Variants in SGCD observed in about 807,000 individuals in gnomAD.
SGCD encodes the protein sarcoglycan delta, also known as delta-sarcoglycan.
Under a neutral mutation model 36.6 loss-of-function variants are expected in SGCD, and 18 were observed. The observed-to-expected ratio is 0.49, with a 90% CI of 0.34 to 0.73. The LOEUF is 0.73. SGCD is among the 30% of genes least tolerant of loss of function. The pLI, the probability that SGCD is intolerant of heterozygous loss-of-function variation, is 0.01. For synonymous variants in SGCD, 133 were observed against 130.6 expected (o/e 1.02, Z -0.12); for missense variants, 387 against 346.7 (o/e 1.12, Z -0.92).
intron 1 of SGCD, among the ~76,000 whole-genome samples, chr5:156,083,139 G>T (rs999411286): frequency 1.3e-5 from 2 of 151,750 alleles, no homozygotes; most frequent in Non-Finnish European, 2.9e-5. Context: ...TTGTTGAGTT[G>T]TGAGACTTCT....
At chr5:156,024,309 C>G (rs256634) in intron 1 of SGCD, among the ~76,000 whole-genome samples, 95,629 of 150,184 alleles carry the variant, frequency 0.64, 30,695 homozygotes, top group East Asian at 0.77. Flanking sequence ...TGTGGCTTAT[C>G]TTGTATGACG....
chr5:155,798,401 A>G, the SGCD span, among the ~76,000 whole-genome samples: 1 of 152,200 alleles, frequency 6.6e-6, no homozygotes, highest in African/African-American at 2.4e-5. Context: ...GATTAACTTC[A>G]TGCTTTTTTA....
At chr5:156,477,502 G>A (rs1013064622) in intron 3 of SGCD, among the ~76,000 whole-genome samples, 3 of 152,086 alleles carry the variant, frequency 2.0e-5, no homozygotes, top group Non-Finnish European at 4.4e-5. Context: ...AAAAGGAAAG[G>A]GAAGTATTCC....
At chr5:156,601,254 T>C (rs1761179691) in intron 6 of SGCD, among the ~76,000 whole-genome samples, 1 of 152,226 alleles carries the variant, frequency 6.6e-6, no homozygotes, top group Non-Finnish European at 1.5e-5. Flanking sequence ...TTTCTTCTAG[T>C]ATTGTAGTTT....
At chr5:155,738,659 A>AGT in the SGCD span, among the ~76,000 whole-genome samples, 5 of 150,728 alleles carry the variant, frequency 3.3e-5, no homozygotes, top group African/African-American at 9.8e-5. Flanking sequence ...TGTGTGAGAG[A>AGT]GTGTGTGTGT....
chr5:156,225,615 T>C (rs1214223802), intron 3 of SGCD, among the ~76,000 whole-genome samples: 1 of 152,034 alleles, frequency 6.6e-6, no homozygotes, highest in Non-Finnish European at 1.5e-5. Context: ...GAATAAACCA[T>C]TTGTTAAGAG....
chr5:156,369,588 C>T (rs1770279862), intron 3 of SGCD, among the ~76,000 whole-genome samples: 1 of 152,144 alleles, frequency 6.6e-6, no homozygotes, highest in East Asian at 1.9e-4. Flanking sequence ...CTTGCCACTC[C>T]CTATTGGATA....
rs144188857 is a variant in SGCD, at chr5:156,723,531, T to C, written c.576-34050T>C. ...TGAATCCAGCAATACCGTAAATATA[T>C]GCAAAATTGCAGCAGTTAACCATGC... On this transcript the variant is annotated intron_variant, in intron 7 of 8. Coordinates refer to ENST00000337851, the MANE Select transcript of SGCD (RefSeq NM_000337.6). Among the ~76,000 whole-genome samples the C allele has an allele frequency of 1.6e-4, 25 of 152,352 alleles. No homozygotes were observed. In the East Asian group the frequency reaches 4.6e-3, roughly 28 times the overall value.
rs971339576 is a variant in SGCD at position 156,232,037 on chromosome 5, T to C, written c.-43-97497T>C. ...TTAGATGGAAGGACTGAAAAAATAG[T>C]TCCTCCAACCCTGACTAATAACAGT... On this transcript the variant is annotated intron_variant, in intron 3 of 9. Coordinates refer to the SGCD transcript ENST00000517913. Among the ~76,000 whole-genome samples the C allele has an allele frequency of 2.6e-5, 4 of 152,278 alleles. No homozygotes were observed. In the East Asian group the frequency reaches 7.7e-4, roughly 29 times the overall value.
intron 1 of SGCD, among the ~76,000 whole-genome samples, chr5:156,083,360 T>C (rs1581088372): frequency 6.6e-6 from 1 of 151,998 alleles, no homozygotes; most frequent in Non-Finnish European, 1.5e-5. Context: ...AATGGCGTGA[T>C]CTCGGCTCAC....
chr5:156,226,474 G>A lies in SGCD; in HGVS notation c.-44+102455G>A, dbSNP rs564910740. The stretch of plus-strand genomic sequence containing the variant: ...TCTTTATCCATACATTGATTGATGG[G>A]CATTTGGGTTGGTTCTATGATTTTG... On this transcript the variant is annotated intron_variant, in intron 3 of 9. Transcript: ENST00000517913. Among the ~76,000 whole-genome samples, 142 of 152,216 alleles carry A rather than the reference G, an allele frequency of 9.3e-4. 1 individual carries two copies. Among genetic ancestry groups the A allele is most frequent in the African/African-American group, 3.4e-3 (140 of 41,544 alleles).
the SGCD span, among the ~76,000 whole-genome samples, chr5:155,848,672 A>G: frequency 6.6e-6 from 1 of 152,176 alleles, no homozygotes; most frequent in African/African-American, 2.4e-5. Context: ...CCTCTCTAAT[A>G]TAAAAGCTAT....
intron 3 of SGCD, among the ~76,000 whole-genome samples, chr5:156,437,965 T>C (rs997566108): frequency 6.6e-5 from 10 of 152,180 alleles, no homozygotes; most frequent in Non-Finnish European, 1.3e-4. Context: ...TCCTTGAAGC[T>C]GAAGGAACAT....
At chr5:156,081,904 G>A (rs1377432198) in intron 1 of SGCD, among the ~76,000 whole-genome samples, 1 of 152,120 alleles carries the variant, frequency 6.6e-6, no homozygotes, top group East Asian at 1.9e-4. Context: ...ATGATTATAT[G>A]TCCTTCTTCT....
In SGCD at chr5:155,948,540, C is replaced by T. The variant is rs142422333; in HGVS notation, c.-282+78116C>T. 7.3e-3 allele frequency among the ~76,000 whole-genome samples: 1,105 copies of T among 152,302 alleles called. 6 individuals carry two copies. Among genetic ancestry groups the T allele is most frequent in the Non-Finnish European group, 0.011 (775 of 68,024 alleles). The stretch of plus-strand genomic sequence containing the variant: ...GGCAAAAGCAAACTCTAATTGGCTT[C>T]CCTATAGCATAGCCCAGAAAAATCA... On this transcript the variant is annotated intron_variant, in intron 1 of 9. Transcript: ENST00000517913.
At chr5:156,665,129 C>T (rs868802358) in intron 7 of SGCD, among the ~76,000 whole-genome samples, 257 of 150,878 alleles carry the variant, frequency 1.7e-3, no homozygotes, top group Non-Finnish European at 2.5e-3. Context: ...TGAAGTTCAG[C>T]CGGCGGCCAG....
At chr5:156,431,424 CT>C (rs1338949861) in intron 3 of SGCD, among the ~76,000 whole-genome samples, 1 of 152,154 alleles carries the variant, frequency 6.6e-6, no homozygotes, top group Non-Finnish European at 1.5e-5. Context: ...GAAGCCCCAG[CT>C]TTGTCTGCAG....
At chr5:156,143,512 G>A (rs1762625091) in intron 3 of SGCD, among the ~76,000 whole-genome samples, 1 of 152,112 alleles carries the variant, frequency 6.6e-6, no homozygotes, top group Admixed American at 6.5e-5. Context: ...AAAGCCACAG[G>A]CACTCAATGC....
At chr5:156,071,287 T>C (rs1186378850) in intron 1 of SGCD, among the ~76,000 whole-genome samples, 1 of 152,348 alleles carries the variant, frequency 6.6e-6, no homozygotes, top group South Asian at 2.1e-4. Context: ...AATTTCCCTC[T>C]ACACACTGCT....
Sources: allele counts gnomAD v4.1 joint callset (sites outside exome capture counted in the v4.1 genomes callset), GRCh38; gene constraint gnomAD v4.1.1; transcripts MANE v1.5; gene names NCBI Gene and HGNC (gene_info 2026-07-23, HGNC 2026-07-21).